AGBL1: variants seen among roughly 807,000 people sequenced by gnomAD.
The protein encoded by AGBL1 is cytosolic carboxypeptidase 4.
In AGBL1, 130 loss-of-function variants were observed where a neutral mutation model predicts 118.9. The observed-to-expected ratio is 1.09, with a 90% CI of 0.95 to 1.26. The LOEUF (loss-of-function observed/expected upper bound fraction) is 1.26, where lower values mean the gene tolerates loss of function less well. AGBL1 is among the 50% of genes most tolerant of loss of function. The pLI is 0.00. For missense variants in AGBL1, 1,584 were observed against 1,298.1 expected, an observed-to-expected ratio of 1.22 and a Z score of -3.38; for synonymous variants, 555 against 478.9, an observed-to-expected ratio of 1.16 and a Z score of -2.08.
chr15:86,295,306 C>G lies in AGBL1; in HGVS notation c.2272C>G (p.Arg758Gly), dbSNP rs545196930. ...KSVNLKEVYF[R>G]QDVLCQTLGG... ...TGTCAACCTCAAAGAGGTCTACTTCCGGCAAGATGTTCTCTGCCAGACGCT... is the reference window on the plus strand; with the variant it reads ...TGTCAACCTCAAAGAGGTCTACTTCGGGCAAGATGTTCTCTGCCAGACGCT... The change falls in exon 17 of 23, where the codon CGG becomes GGG. Residue 758 changes from arginine (R) to glycine (G), a missense_variant. By Grantham distance (125) the Arg-to-Gly change is moderately radical. Transcript: ENST00000614907. The G allele has an allele frequency of 3.1e-6, 5 of 1,613,668 alleles. No homozygotes were observed. Among genetic ancestry groups the G allele is most frequent in the Non-Finnish European group, 4.2e-6 (5 of 1,179,722 alleles).
intron 18 of AGBL1, among the ~76,000 whole-genome samples, chr15:86,460,943 T>C (rs1379037982): frequency 2.0e-5 from 3 of 152,190 alleles, no homozygotes; most frequent in African/African-American, 4.8e-5. Flanking sequence ...ATTTGACCCA[T>C]GTGAGAGAAC....
intron 22 of AGBL1, among the ~76,000 whole-genome samples, chr15:86,687,107 A>T (rs2142586552): frequency 1.3e-5 from 2 of 152,258 alleles, no homozygotes; most frequent in Admixed American, 1.3e-4. Flanking sequence ...AATGGCAAAA[A>T]AAAGGGAATT....
At chr15:86,712,027 T>G (rs930282201) in intron 22 of AGBL1, among the ~76,000 whole-genome samples, 1 of 152,164 alleles carries the variant, frequency 6.6e-6, no homozygotes, top group Non-Finnish European at 1.5e-5. Flanking sequence ...AAGTCACTTC[T>G]GCAAAGATAC....
At position 86,391,427 on chromosome 15, in the gene AGBL1, T is replaced by C. The variant is rs192593726; in HGVS notation, c.2375-5939T>C. On this transcript the variant is annotated intron_variant, in intron 17 of 22. Coordinates refer to ENST00000614907, the MANE Select transcript of AGBL1 (RefSeq NM_001386094.1). Reference sequence around the variant, plus strand: ...ATCTTTCCACTTCCTTTTCCACTCCTGTTTCCTGTCTCCTTCCTTCCTCTC... The same window carrying C: ...ATCTTTCCACTTCCTTTTCCACTCCCGTTTCCTGTCTCCTTCCTTCCTCTC... Among the ~76,000 whole-genome samples the C allele has an allele frequency of 1.1e-3, 172 of 152,102 alleles. 4 individuals carry two copies. The South Asian group carries it at 0.035, about 31-fold the overall frequency.
At chr15:86,906,101 T>C (rs1341093002) in intron 22 of AGBL1, among the ~76,000 whole-genome samples, 1 of 152,214 alleles carries the variant, frequency 6.6e-6, no homozygotes, top group Non-Finnish European at 1.5e-5. Flanking sequence ...TCATTGTTTA[T>C]GGCAAGGCAG....
At chr15:86,171,352 CAA>C (rs2077412722) in intron 5 of AGBL1, among the ~76,000 whole-genome samples, 3 of 150,386 alleles carry the variant, frequency 2.0e-5, no homozygotes, top group African/African-American at 7.3e-5. Context: ...TATATGACAA[CAA>C]GAGCACAAAG....
intron 7 of AGBL1, among the ~76,000 whole-genome samples, chr15:86,250,747 C>T (rs943542786): frequency 2.0e-5 from 3 of 152,044 alleles, no homozygotes; most frequent in Non-Finnish European, 2.9e-5. Context: ...TGAGTAGCCT[C>T]CCAGACCTCA....
chr15:86,768,545 T>G (rs952772414), intron 22 of AGBL1, among the ~76,000 whole-genome samples: 7 of 151,912 alleles, frequency 4.6e-5, no homozygotes, highest in African/African-American at 1.7e-4. Context: ...ATGCTTGGGA[T>G]GCCTTTACCC....
intron 17 of AGBL1, among the ~76,000 whole-genome samples, chr15:86,390,896 C>G (rs2081270170): frequency 6.6e-6 from 1 of 151,628 alleles, no homozygotes; most frequent in Admixed American, 6.6e-5. Flanking sequence ...TCTTGAAATC[C>G]TGACCTCAGG....
intron 18 of AGBL1, among the ~76,000 whole-genome samples, chr15:86,480,894 A>G (rs922846717): frequency 1.3e-5 from 2 of 152,006 alleles, no homozygotes; most frequent in Admixed American, 1.3e-4. Context: ...GAAGCCTAGG[A>G]AGTATGTGAA....
chr15:86,427,737 A>C (rs1000909554), intron 18 of AGBL1, among the ~76,000 whole-genome samples: 1 of 152,172 alleles, frequency 6.6e-6, no homozygotes, highest in African/African-American at 2.4e-5. Context: ...GGCATCCCTT[A>C]ATATAGTTAA....
chr15:86,748,967 T>G (rs954710070), intron 22 of AGBL1, among the ~76,000 whole-genome samples: 15 of 152,208 alleles, frequency 9.9e-5, no homozygotes, highest in African/African-American at 3.6e-4. Context: ...TTGTTCTTTT[T>G]GCTTAGGATT....
At chr15:86,568,341 G>A (rs2083948253) in intron 21 of AGBL1, among the ~76,000 whole-genome samples, 1 of 152,050 alleles carries the variant, frequency 6.6e-6, no homozygotes, top group African/African-American at 2.4e-5. Context: ...TTCTTAAAAG[G>A]ATGAGCAATG....
intron 6 of AGBL1, among the ~76,000 whole-genome samples, chr15:86,233,564 C>T (rs1029242433): frequency 6.6e-6 from 1 of 152,128 alleles, no homozygotes. Flanking sequence ...CAGAAGAAAT[C>T]AAGTTTGAAA....
chr15:86,455,883 C>T (rs374093609), intron 18 of AGBL1, among the ~76,000 whole-genome samples: 5 of 152,126 alleles, frequency 3.3e-5, no homozygotes, highest in Admixed American at 3.3e-4. Flanking sequence ...TCAAATCTCT[C>T]ATAGCCATTA....
intron 22 of AGBL1, among the ~76,000 whole-genome samples, chr15:86,721,903 A>G (rs2086727779): frequency 2.0e-5 from 3 of 151,984 alleles, no homozygotes; most frequent in Admixed American, 2.0e-4. Flanking sequence ...CCTCCCATTC[A>G]CAATTGCTTC....
In AGBL1 at chr15:86,463,724, G is replaced by A. The variant is rs182635317; in HGVS notation, c.2556-59086G>A. ...CCTTTCCCCATTGCTTGTTTTTGTC[G>A]GATTTGTTAAAGATCAGATGGTTGT... On this transcript the variant is annotated intron_variant, in intron 18 of 22. Transcript: ENST00000614907. 3.0e-3 allele frequency among the ~76,000 whole-genome samples: 461 copies of A among 151,934 alleles called. 2 individuals carry two copies. The highest frequency in any genetic ancestry group is 4.4e-3 in the Non-Finnish European group (296 of 67,906).
chr15:86,727,674 A>ACCT (rs1302991668), intron 22 of AGBL1, among the ~76,000 whole-genome samples: 1 of 152,222 alleles, frequency 6.6e-6, no homozygotes, highest in African/African-American at 2.4e-5. Flanking sequence ...TTTATCTAAT[A>ACCT]ATAATGGGAT....
intron 17 of AGBL1, among the ~76,000 whole-genome samples, chr15:86,343,268 G>T (rs989507933): frequency 2.6e-5 from 4 of 152,160 alleles, no homozygotes; most frequent in Non-Finnish European, 4.4e-5. Context: ...GGGAGGAAGA[G>T]TGACAGCATG....
Sources: allele counts gnomAD v4.1 joint callset (sites outside exome capture counted in the v4.1 genomes callset), GRCh38; gene constraint gnomAD v4.1.1; transcripts MANE v1.5; gene names NCBI Gene and HGNC (gene_info 2026-07-23, HGNC 2026-07-21).